GALNTL6: variants seen among roughly 807,000 people sequenced by gnomAD.
The protein encoded by GALNTL6 is polypeptide N-acetylgalactosaminyltransferase like 6.
Under a neutral mutation model 73.7 loss-of-function variants are expected in GALNTL6, and 46 were observed. The observed-to-expected ratio is 0.62, with a 90% CI of 0.49 to 0.80. The LOEUF (loss-of-function observed/expected upper bound fraction) is 0.80. Ranked by LOEUF, GALNTL6 falls within the 30% of genes least tolerant of loss-of-function variation. The pLI is 0.00. For missense variants in GALNTL6, 604 were observed against 755.0 expected, an observed-to-expected ratio of 0.80 and a Z score of 2.34; for synonymous variants, 259 against 263.7, an observed-to-expected ratio of 0.98 and a Z score of 0.17.
intron 5 of GALNTL6, among the ~76,000 whole-genome samples, chr4:172,612,657 G>T (rs1482577975): frequency 6.6e-6 from 1 of 151,962 alleles, no homozygotes; most frequent in Non-Finnish European, 1.5e-5. Flanking sequence ...GAAGAGTCTT[G>T]CACAATTATA....
chr4:172,027,336 T>C (rs1323587769), intron 2 of GALNTL6, among the ~76,000 whole-genome samples: 2 of 152,190 alleles, frequency 1.3e-5, no homozygotes, highest in South Asian at 2.1e-4. Context: ...CACATTTTGA[T>C]AATCCTCACA....
At chr4:172,542,259 G>T (rs540946562) in intron 5 of GALNTL6, among the ~76,000 whole-genome samples, 71 of 152,120 alleles carry the variant, frequency 4.7e-4, no homozygotes, top group African/African-American at 1.7e-3. Context: ...AGCGCCCGGG[G>T]AAGGCTGGTC....
At chr4:172,986,994 T>A (rs953924583) in intron 10 of GALNTL6, among the ~76,000 whole-genome samples, 4 of 152,190 alleles carry the variant, frequency 2.6e-5, no homozygotes, top group Non-Finnish European at 5.9e-5. Flanking sequence ...CATATTTTTT[T>A]AATTAAAAAC....
At chr4:172,435,357 G>A (rs1459611945) in intron 5 of GALNTL6, among the ~76,000 whole-genome samples, 1 of 152,132 alleles carries the variant, frequency 6.6e-6, no homozygotes, top group Non-Finnish European at 1.5e-5. Flanking sequence ...CTGGAAGGCA[G>A]ATGGGGAAAG....
chr4:172,307,045 T>G (rs961616907), intron 3 of GALNTL6, among the ~76,000 whole-genome samples: 2 of 152,200 alleles, frequency 1.3e-5, no homozygotes, highest in African/African-American at 4.8e-5. Flanking sequence ...CATACTGTTT[T>G]CCATAGTGGT....
intron 5 of GALNTL6, among the ~76,000 whole-genome samples, chr4:172,746,456 T>G (rs1011916611): frequency 2.5e-4 from 38 of 152,114 alleles, no homozygotes; most frequent in African/African-American, 8.9e-4. Flanking sequence ...ATATTTTAAT[T>G]GGATATAGCC....
At chr4:172,583,788 T>A (rs566297664) in intron 5 of GALNTL6, among the ~76,000 whole-genome samples, 1 of 148,708 alleles carries the variant, frequency 6.7e-6, no homozygotes, top group Admixed American at 6.9e-5. Flanking sequence ...TCCCAGCTAC[T>A]CAGGAGGCTG....
chr4:172,302,976 T>C (rs993985251), intron 3 of GALNTL6, among the ~76,000 whole-genome samples: 2 of 152,080 alleles, frequency 1.3e-5, no homozygotes, highest in African/African-American at 4.8e-5. Flanking sequence ...TAGACATTCT[T>C]GTGCTACATT....
intron 5 of GALNTL6, among the ~76,000 whole-genome samples, chr4:172,503,576 T>G (rs1734342656): frequency 6.8e-6 from 1 of 146,088 alleles, no homozygotes; most frequent in African/African-American, 2.6e-5. Flanking sequence ...AAAAGACTTG[T>G]GGTTCTAGTT....
chr4:171,952,730 G>T (rs1194079483), intron 2 of GALNTL6, among the ~76,000 whole-genome samples: 2 of 152,030 alleles, frequency 1.3e-5, no homozygotes, highest in Non-Finnish European at 2.9e-5. Flanking sequence ...AATCTATGGT[G>T]AATGCCTGAT....
chr4:172,683,139 G>C (rs1470345133), intron 5 of GALNTL6, among the ~76,000 whole-genome samples: 1 of 152,190 alleles, frequency 6.6e-6, no homozygotes, highest in African/African-American at 2.4e-5. Context: ...TTTGGCCAAA[G>C]TCAGAGACTA....
chr4:172,229,755 A>T lies in GALNTL6; in HGVS notation c.238A>T (p.Met80Leu), dbSNP rs566772786. 1 of 1,607,412 alleles carries T rather than the reference A, an allele frequency of 6.2e-7. No homozygotes were observed. Among genetic ancestry groups the T allele is most frequent in the Admixed American group, 1.7e-5 (1 of 59,986 alleles). Residue 80 changes from methionine (M) to leucine (L), a missense_variant, in exon 3 of 13, where the codon ATG becomes TTG. Met to Leu is a conservative substitution (Grantham distance 15, BLOSUM62 2). Transcript: ENST00000506823. ...CTATGAAAGCATTCAGAAAGAGGCT[A>T]TGCGCTCAGGTATGAAGCTCAGTGT... ...HDYESIQKEA[M>L]RSGKGEHGKP...
chr4:172,942,534 C>A (rs1334395848), intron 9 of GALNTL6, among the ~76,000 whole-genome samples: 1 of 152,148 alleles, frequency 6.6e-6, no homozygotes, highest in Admixed American at 6.5e-5. Context: ...ACATGAGGCA[C>A]CATTGGCTTG....
In GALNTL6 at chr4:172,295,572, C is replaced by G. The variant is rs549118181; in HGVS notation, c.248-16042C>G. Among the ~76,000 whole-genome samples, 615 of 63,314 alleles carry G rather than the reference C, an allele frequency of 9.7e-3. 4 individuals are homozygous for G. Among genetic ancestry groups the G allele is most frequent in the Non-Finnish European group, 0.012 (432 of 35,712 alleles). 41.5% of individuals were successfully genotyped at this position (63,314 alleles called of 152,430 possible). A position where few individuals can be genotyped will look rare whatever the true frequency, so the allele number is the denominator to read the frequency against. ...TTTTTTTTTTGGTAACTAGCTAGTTCTGGTTTACTCTATAACCAAATATGT... is the reference window on the plus strand; with the variant it reads ...TTTTTTTTTTGGTAACTAGCTAGTTGTGGTTTACTCTATAACCAAATATGT... On this transcript the variant is annotated intron_variant, in intron 3 of 12. Coordinates refer to ENST00000506823, the MANE Select transcript of GALNTL6 (RefSeq NM_001034845.3).
intron 8 of GALNTL6, among the ~76,000 whole-genome samples, chr4:172,915,942 A>T (rs1291238029): frequency 1.3e-5 from 2 of 152,200 alleles, no homozygotes; most frequent in East Asian, 3.8e-4. Context: ...AGACACAACA[A>T]AAAAAGAGAA....
At chr4:171,897,705 C>G (rs998180981) in intron 2 of GALNTL6, among the ~76,000 whole-genome samples, 2 of 149,828 alleles carry the variant, frequency 1.3e-5, no homozygotes, top group Middle Eastern at 3.4e-3. Context: ...GGCTGGAGTG[C>G]AGTGGCGCAA....
chr4:173,025,187 A>G (rs1753182406), intron 12 of GALNTL6, among the ~76,000 whole-genome samples: 1 of 152,212 alleles, frequency 6.6e-6, no homozygotes, highest in Non-Finnish European at 1.5e-5. Flanking sequence ...GGCTATGTTC[A>G]GTTGAACAGC....
intron 2 of GALNTL6, among the ~76,000 whole-genome samples, chr4:172,045,645 T>C (rs190604633): frequency 6.1e-4 from 93 of 152,112 alleles, no homozygotes; most frequent in Admixed American, 5.2e-3. Context: ...TGTGAACTGA[T>C]ATTTCATGTT....
chr4:171,895,652 T>A (rs1299785348), intron 2 of GALNTL6, among the ~76,000 whole-genome samples: 1 of 152,146 alleles, frequency 6.6e-6, no homozygotes, highest in African/African-American at 2.4e-5. Context: ...AATGCAGTCT[T>A]ATGTGACATA....
Sources: allele counts gnomAD v4.1 joint callset (sites outside exome capture counted in the v4.1 genomes callset), GRCh38; gene constraint gnomAD v4.1.1; transcripts MANE v1.5; gene names NCBI Gene and HGNC (gene_info 2026-07-23, HGNC 2026-07-21).